UGT1A10: variants seen among roughly 807,000 people sequenced by gnomAD.
UGT1A10 encodes the protein UDP glucuronosyltransferase family 1 member A10, also known as UDP-glucuronosyltransferase 1A10.
A neutral mutation model predicts 45.8 loss-of-function variants in UGT1A10; 49 were observed. That is an observed-to-expected ratio of 1.07 (90% CI 0.85 to 1.36). UGT1A10 has a LOEUF of 1.36. Ranked by LOEUF, UGT1A10 falls within the 40% of genes most tolerant of loss-of-function variation. UGT1A10 has a pLI of 0.00. For missense variants in UGT1A10, 745 were observed against 668.6 expected, an observed-to-expected ratio of 1.11 and a Z score of -1.26; for synonymous variants, 284 against 249.7, an observed-to-expected ratio of 1.14 and a Z score of -1.29.
At chr2:233,713,636 C>T (rs17868333) in intron 1 of UGT1A10, 157,928 of 1,613,758 alleles carry the variant, frequency 0.098, 8,751 homozygotes, top group South Asian at 0.2. Context: ...AGAACATGCT[C>T]TACCCTCTGG....
intron 1 of UGT1A10, among the ~76,000 whole-genome samples, chr2:233,735,726 A>G (rs1434369558): frequency 5.9e-5 from 9 of 152,086 alleles, no homozygotes; most frequent in Admixed American, 5.9e-4. Flanking sequence ...ATCTCTCAGC[A>G]TTTGCTTGTC....
chr2:233,716,061 G>C (rs2076485433), intron 1 of UGT1A10, among the ~76,000 whole-genome samples: 1 of 152,170 alleles, frequency 6.6e-6, no homozygotes, highest in Admixed American at 6.5e-5. Context: ...ATTCTTAGTT[G>C]TATTCTTTCC....
intron 1 of UGT1A10, among the ~76,000 whole-genome samples, chr2:233,715,670 G>A (rs1428393419): frequency 6.6e-6 from 1 of 152,106 alleles, no homozygotes; most frequent in Non-Finnish European, 1.5e-5. Flanking sequence ...TACTCGGGAG[G>A]CTGAGGCAGG....
chr2:233,653,542 A>G (rs1315174488), intron 1 of UGT1A10, among the ~76,000 whole-genome samples: 3 of 152,194 alleles, frequency 2.0e-5, no homozygotes, highest in African/African-American at 7.2e-5. Context: ...AGAAACCTCT[A>G]TGGGTCACCA....
intron 1 of UGT1A10, among the ~76,000 whole-genome samples, chr2:233,680,544 G>A (rs10197460): frequency 1.3e-5 from 2 of 151,952 alleles, no homozygotes; most frequent in South Asian, 4.2e-4. Flanking sequence ...AATCCCTCAC[G>A]AAATGCTCCT....
intron 1 of UGT1A10, chr2:233,740,628 A>G (rs1368948290): frequency 1.3e-5 from 2 of 151,808 alleles, no homozygotes; most frequent in Non-Finnish European, 2.9e-5. Flanking sequence ...TCACAGGGTC[A>G]TGCCTTTCCT....
At chr2:233,760,301 C>G (rs1697391714) in intron 1 of UGT1A10, 1 of 1,613,532 alleles carries the variant, frequency 6.2e-7, no homozygotes, top group South Asian at 1.1e-5. Flanking sequence ...GCTGTGGAGT[C>G]CCAGGGCGGA....
In UGT1A10 at chr2:233,713,094, C is replaced by G. The variant is rs1375796840; in HGVS notation, c.856-53940C>G. ...TGAGAGTGGGAAGGTGCTGGTGGTG[C>G]CCACTGATGGCAGCCACTGGCTCAG... On this transcript the variant is annotated intron_variant, in intron 1 of 4. Coordinates refer to ENST00000344644, the MANE Select transcript of UGT1A10 (RefSeq NM_019075.4). 2.5e-6 allele frequency: 4 copies of G among 1,614,034 alleles called. No individual in the cohort carries two copies. The highest frequency in any genetic ancestry group is 3.3e-5 in the Admixed American group (2 of 60,002).
chr2:233,680,886 C>T (rs2074501622), intron 1 of UGT1A10, among the ~76,000 whole-genome samples: 1 of 151,846 alleles, frequency 6.6e-6, no homozygotes, highest in African/African-American at 2.4e-5. Context: ...ATAGGGACGG[C>T]GACTCACCAC....
chr2:233,650,197 T>C (rs981927504), intron 1 of UGT1A10, among the ~76,000 whole-genome samples: 4 of 152,180 alleles, frequency 2.6e-5, no homozygotes, highest in Non-Finnish European at 2.9e-5. Context: ...CTCGAACTCC[T>C]GACCTCAGGT....
chr2:233,725,787 A>T (rs1433226745), intron 1 of UGT1A10, among the ~76,000 whole-genome samples: 1 of 152,208 alleles, frequency 6.6e-6, no homozygotes, highest in African/African-American at 2.4e-5. Flanking sequence ...GTTATCATTA[A>T]ATAATAATCC....
intron 1 of UGT1A10, among the ~76,000 whole-genome samples, chr2:233,656,709 C>T (rs1348015958): frequency 6.6e-6 from 1 of 152,008 alleles, no homozygotes; most frequent in Non-Finnish European, 1.5e-5. Flanking sequence ...GGGAGTGTGA[C>T]GAGGCGTGTC....
intron 1 of UGT1A10, chr2:233,693,807 T>C (rs1404347654): frequency 6.2e-7 from 1 of 1,614,252 alleles, no homozygotes; most frequent in African/African-American, 1.3e-5. Flanking sequence ...AGGCCGGTCA[T>C]GCCCAACATG....
Position 233,672,096 on chromosome 2 carries a change from G to C in UGT1A10, c.855+34719G>C, listed in dbSNP as rs774353218. On this transcript the variant is annotated intron_variant, in intron 1 of 4. Coordinates refer to ENST00000344644, the MANE Select transcript of UGT1A10 (RefSeq NM_019075.4). ...AGAAACTCATTCTCAGGGGGCATGAGGTGGTTGTAGTCATGCCAGAGGTGA... is the reference window on the plus strand; with the variant it reads ...AGAAACTCATTCTCAGGGGGCATGACGTGGTTGTAGTCATGCCAGAGGTGA... The C allele has an allele frequency of 2.3e-5, 37 of 1,614,176 alleles. No individual in the cohort carries two copies. In the South Asian group the frequency reaches 4.0e-4, roughly 17 times the overall value.
chr2:233,714,639 G>A lies in UGT1A10; in HGVS notation c.856-52395G>A, dbSNP rs575235602. On this transcript the variant is annotated intron_variant, in intron 1 of 4. Coordinates refer to ENST00000344644, the MANE Select transcript of UGT1A10 (RefSeq NM_019075.4). ...AAAAAGAAACCACTAAAATTAATGTGAATAATGCATTTTATTTAACCAGAT... is the reference window on the plus strand; with the variant it reads ...AAAAAGAAACCACTAAAATTAATGTAAATAATGCATTTTATTTAACCAGAT... 1.5e-3 allele frequency among the ~76,000 whole-genome samples: 236 copies of A among 152,314 alleles called. 2 individuals are homozygous for A. The highest frequency in any genetic ancestry group is 5.3e-3 in the African/African-American group (221 of 41,578).
At chr2:233,716,325 T>G (rs1422472353) in intron 1 of UGT1A10, among the ~76,000 whole-genome samples, 1 of 152,228 alleles carries the variant, frequency 6.6e-6, no homozygotes, top group East Asian at 1.9e-4. Flanking sequence ...ATGGAATATA[T>G]TCCCAGGTTT....
chr2:233,772,509 T>C lies in UGT1A10; in HGVS notation c.1543T>C (p.Leu515=). 1.9e-6 allele frequency: 3 copies of C among 1,614,170 alleles called. No individual in the cohort carries two copies. Among genetic ancestry groups the C allele is most frequent in the Middle Eastern group, 1.6e-4 (1 of 6,062 alleles). ...TTGTGCTTATGGCTACCGGAAATGC[T>C]TGGGGAAAAAAGGGCGAGTTAAGAA... The part of the protein sequence containing the change: ...KCCAYGYRKC[L]GKKGRVKKAH... Residue 515 remains leucine, a synonymous_variant, in exon 5 of 5, where the codon TTG becomes CTG. Transcript: ENST00000344644.
intron 1 of UGT1A10, chr2:233,693,307 G>A (rs2075144345): frequency 1.2e-6 from 2 of 1,614,138 alleles, no homozygotes; most frequent in Middle Eastern, 1.6e-4. Flanking sequence ...ACTTTGCTGA[G>A]CGATCATTCC....
At position 233,718,851 on chromosome 2, in the gene UGT1A10, C is replaced by T. The variant is rs3892221; in HGVS notation, c.856-48183C>T. ...CAGAGGACTCCAGGTTCCCCTGCCGCGGCTGGCCACAGGACTGCTGCTCCT... is the reference window on the plus strand; with the variant it reads ...CAGAGGACTCCAGGTTCCCCTGCCGTGGCTGGCCACAGGACTGCTGCTCCT... On this transcript the variant is annotated intron_variant, in intron 1 of 4. Coordinates refer to ENST00000344644, the MANE Select transcript of UGT1A10 (RefSeq NM_019075.4). 4,964 of 1,613,706 alleles carry T rather than the reference C, an allele frequency of 3.1e-3. 102 individuals carry two copies. The African/African-American group carries it at 0.045, about 15-fold the overall frequency.
Sources: gnomAD v4.1 joint callset for allele counts (sites outside exome capture counted in the v4.1 genomes callset) on GRCh38, gnomAD v4.1.1 for gene constraint, MANE v1.5 for transcripts, NCBI Gene and HGNC (gene_info 2026-07-23, HGNC 2026-07-21) for gene names.